Variants in TRABD2B observed in about 807,000 individuals in gnomAD.
TRABD2B encodes metalloprotease TIKI2.
In TRABD2B, 14 loss-of-function variants were observed where a neutral mutation model predicts 40.1. The observed-to-expected ratio is 0.35, with a 90% CI of 0.23 to 0.55. The LOEUF (loss-of-function observed/expected upper bound fraction) is 0.55. TRABD2B is among the 20% of genes least tolerant of loss of function. TRABD2B has a pLI of 0.90. For synonymous variants in TRABD2B, 263 were observed against 277.0 expected (o/e 0.95, Z 0.50); for missense variants, 541 against 648.6 (o/e 0.83, Z 1.80).
chr1:47,983,224 A>T (rs769601959), intron 2 of TRABD2B, among the ~76,000 whole-genome samples: 33 of 152,298 alleles, frequency 2.2e-4, no homozygotes, highest in Admixed American at 1.2e-3. Flanking sequence ...GCAAACTAAC[A>T]CAGGGACAGA....
intron 2 of TRABD2B, among the ~76,000 whole-genome samples, chr1:47,843,878 T>C (rs1645432253): frequency 6.6e-6 from 1 of 152,074 alleles, no homozygotes; most frequent in Non-Finnish European, 1.5e-5. Flanking sequence ...GTTTATCCCC[T>C]CCCAAGATGC....
At chr1:47,856,058 C>T (rs1304896331) in intron 2 of TRABD2B, among the ~76,000 whole-genome samples, 1 of 152,200 alleles carries the variant, frequency 6.6e-6, no homozygotes, top group African/African-American at 2.4e-5. Context: ...AGAGGAGAAA[C>T]CATTTTCCCT....
At chr1:47,886,535 C>CCACT (rs1399164750) in intron 2 of TRABD2B, among the ~76,000 whole-genome samples, 1 of 152,154 alleles carries the variant, frequency 6.6e-6, no homozygotes, top group Non-Finnish European at 1.5e-5. Context: ...CTATTATAAA[C>CCACT]CACTCCCTGA....
At chr1:47,837,547 C>A (rs898708718) in intron 2 of TRABD2B, among the ~76,000 whole-genome samples, 3 of 152,160 alleles carry the variant, frequency 2.0e-5, no homozygotes, top group East Asian at 3.9e-4. Context: ...TCCCCAAGAG[C>A]CTCCTGTGAC....
chr1:47,989,308 T>G (rs1202175065), intron 2 of TRABD2B, among the ~76,000 whole-genome samples: 1 of 152,246 alleles, frequency 6.6e-6, no homozygotes, highest in Non-Finnish European at 1.5e-5. Flanking sequence ...CTCCTTGCTG[T>G]GATTTATACT....
chr1:47,856,450 T>A (rs997484705), intron 2 of TRABD2B, among the ~76,000 whole-genome samples: 2 of 152,252 alleles, frequency 1.3e-5, no homozygotes, highest in African/African-American at 4.8e-5. Context: ...CAGTTAGTTC[T>A]TGGATTTAGG....
At chr1:47,900,121 A>AT (rs1644579845) in intron 2 of TRABD2B, among the ~76,000 whole-genome samples, 1 of 152,136 alleles carries the variant, frequency 6.6e-6, no homozygotes, top group African/African-American at 2.4e-5. Flanking sequence ...ACCACCTCAG[A>AT]GTCGGCTTCC....
chr1:47,831,065 C>G (rs1255553212), intron 2 of TRABD2B, among the ~76,000 whole-genome samples: 1 of 11,004 alleles, frequency 9.1e-5, no homozygotes, highest in Non-Finnish European at 1.1e-3. Context: ...CTGATTCTGT[C>G]CTTGGTTGCC....
chr1:47,878,832 C>T (rs1193592793), intron 2 of TRABD2B, among the ~76,000 whole-genome samples: 1 of 152,094 alleles, frequency 6.6e-6, no homozygotes, highest in Non-Finnish European at 1.5e-5. Context: ...CACAATGGCT[C>T]CTGCCTGTAA....
At chr1:47,848,445 C>T (rs1185016885) in intron 2 of TRABD2B, among the ~76,000 whole-genome samples, 1 of 152,180 alleles carries the variant, frequency 6.6e-6, no homozygotes, top group Non-Finnish European at 1.5e-5. Flanking sequence ...CTAGACCCTG[C>T]TCACAGGCCC....
At chr1:47,988,005 C>CCCCT (rs1263953267) in intron 2 of TRABD2B, among the ~76,000 whole-genome samples, 2 of 152,140 alleles carry the variant, frequency 1.3e-5, no homozygotes, top group African/African-American at 4.8e-5. Flanking sequence ...TGAGGTCCTC[C>CCCCT]AGGGGTGTCT....
At chr1:47,849,301 G>A (rs1367246203) in intron 2 of TRABD2B, among the ~76,000 whole-genome samples, 1 of 152,204 alleles carries the variant, frequency 6.6e-6, no homozygotes, top group African/African-American at 2.4e-5. Flanking sequence ...CACCAGACAT[G>A]TGTACAACTG....
chr1:47,997,076 G>A lies in TRABD2B; in HGVS notation c.-287C>T. On this transcript the variant is annotated 5_prime_UTR_variant, in exon 1 of 7. Transcript: ENST00000606738. Reference sequence around the variant, plus strand: ...TGCTGAGGGCGTGTTGGGGTCCGGGGGCGCGCGGGGTCCCGGAGCTGCGTC... The same window carrying A: ...TGCTGAGGGCGTGTTGGGGTCCGGGAGCGCGCGGGGTCCCGGAGCTGCGTC... 1 of 984,188 alleles carries A rather than the reference G, an allele frequency of 1.0e-6. No individual in the cohort carries two copies. The highest frequency in any genetic ancestry group is 1.2e-6 in the Non-Finnish European group (1 of 829,274). The allele number at this position is 984,188 out of a possible 1,614,324, so 61.0% of individuals were successfully genotyped here.
rs1188473159 is a variant in TRABD2B, at chr1:47,996,671, G to C, written c.102+17C>G. ...ACCCAGGCAGGCGGGAGAGTGGCCG[G>C]GCAGGCGCTCGCTCACCGATCCGGG... On this transcript the variant is annotated intron_variant, in intron 1 of 6. Coordinates refer to ENST00000606738, the MANE Select transcript of TRABD2B (RefSeq NM_001194986.2). The surrounding 1 kb of genome is among the most constrained non-coding windows in gnomAD (Gnocchi z 4.6). 25 of 1,228,874 alleles carry C rather than the reference G, an allele frequency of 2.0e-5. No homozygotes were observed. The highest frequency in any genetic ancestry group is 1.6e-5 in the African/African-American group (1 of 64,202). 76.1% of individuals were successfully genotyped at this position (1,228,874 alleles called of 1,614,324 possible). A position where few individuals can be genotyped will look rare whatever the true frequency, so the allele number is the denominator to read the frequency against.
intron 4 of TRABD2B, among the ~76,000 whole-genome samples, chr1:47,780,614 A>G (rs529485836): frequency 6.6e-6 from 1 of 152,188 alleles, no homozygotes; most frequent in Non-Finnish European, 1.5e-5. Context: ...CCTGGGGTCA[A>G]GCAGACTTCC....
At chr1:47,793,401 G>T (rs1403755927) in intron 4 of TRABD2B, among the ~76,000 whole-genome samples, 1 of 152,238 alleles carries the variant, frequency 6.6e-6, no homozygotes, top group Non-Finnish European at 1.5e-5. Flanking sequence ...GCAAAGGAGG[G>T]GCGAGGCCCA....
chr1:47,854,660 T>C (rs573999903), intron 2 of TRABD2B, among the ~76,000 whole-genome samples: 3 of 152,248 alleles, frequency 2.0e-5, no homozygotes, highest in South Asian at 2.1e-4. Flanking sequence ...ACCTCGCAAT[T>C]TGCATTTTTT....
intron 2 of TRABD2B, among the ~76,000 whole-genome samples, chr1:47,991,027 G>A (rs1369171640): frequency 6.6e-6 from 1 of 151,304 alleles, no homozygotes; most frequent in Non-Finnish European, 1.5e-5. Flanking sequence ...AAGCCCTCAA[G>A]TCCTAAAGGG....
intron 2 of TRABD2B, among the ~76,000 whole-genome samples, chr1:47,957,566 T>A (rs1645442804): frequency 6.6e-6 from 1 of 152,116 alleles, no homozygotes; most frequent in South Asian, 2.1e-4. Context: ...TCATGACGCA[T>A]GCACAAGCTT....
Sources: gnomAD v4.1 joint callset for allele counts (sites outside exome capture counted in the v4.1 genomes callset) on GRCh38, gnomAD v4.1.1 for gene constraint, Gnocchi (gnomAD v3.1) non-coding constraint, MANE v1.5 for transcripts, NCBI Gene and HGNC (gene_info 2026-07-23, HGNC 2026-07-21) for gene names.